FGFR2: variants seen among roughly 807,000 people sequenced by gnomAD.
FGFR2 encodes the protein fibroblast growth factor receptor 2.
FGFR2 carries 19 observed loss-of-function variants against 95.9 expected under a neutral mutation model. The ratio of observed to expected loss-of-function variants is 0.20; its 90% CI spans 0.14 to 0.29. FGFR2 has a LOEUF of 0.29. Ranked by LOEUF, FGFR2 falls within the 10% of genes least tolerant of loss-of-function variation. The pLI is 1.00. For missense variants in FGFR2, 707 were observed against 1,056.9 expected, an observed-to-expected ratio of 0.67 and a Z score of 4.59; for synonymous variants, 392 against 393.3, an observed-to-expected ratio of 1.00 and a Z score of 0.04.
chr10:121,547,023 G>A (rs969330108), intron 5 of FGFR2, among the ~76,000 whole-genome samples: 4 of 152,120 alleles, frequency 2.6e-5, no homozygotes, highest in Non-Finnish European at 5.9e-5. Flanking sequence ...TCAGGAGTTC[G>A]AGACCAGCAT....
chr10:121,554,175 G>A (rs2134896708), intron 4 of FGFR2, among the ~76,000 whole-genome samples: 1 of 152,140 alleles, frequency 6.6e-6, no homozygotes. Context: ...CAAGGTTGGG[G>A]GCCACCATAA....
Position 121,521,345 on chromosome 10 carries a change from T to C in FGFR2, c.749-1176A>G, listed in dbSNP as rs1442367363. 2.6e-5 allele frequency among the ~76,000 whole-genome samples: 4 copies of C among 152,186 alleles called. No individual in the cohort carries two copies. In the East Asian group the frequency reaches 7.7e-4, roughly 29 times the overall value. ...CGTTCTCAACAAAGAATACACCCTC[T>C]CATCTTATGCCTGGAAAGGCTTCTC... On this transcript the variant is annotated intron_variant, in intron 6 of 17. Transcript: ENST00000358487.
rs2135115095 is a variant in FGFR2, at chr10:121,565,530, T to C, written c.284A>G (p.Lys95Arg). ...GCCGGAGTCTCTAGGCGTGGCGCCC[T>C]TTATCTGCAAGTACTCCCCAATAAG... ...TVLIGEYLQI[K>R]GATPRDSGLY... The change falls in exon 3 of 18, where the codon AAG becomes AGG. Residue 95 changes from lysine to arginine, a missense_variant. Coordinates refer to ENST00000358487, the MANE Select transcript of FGFR2 (RefSeq NM_000141.5). The C allele has an allele frequency of 2.5e-6, 4 of 1,614,214 alleles. No individual in the cohort carries two copies. The highest frequency in any genetic ancestry group is 3.4e-6 in the Non-Finnish European group (4 of 1,180,050).
chr10:121,515,231 CAT>C lies in FGFR2; in HGVS notation c.1171_1172del (p.Met391GlyfsTer42). ...TTCGGCACAGGATGACTGTTACCACCATACAGGCGATTAAGAAGACCCCTATG... is the reference window on the plus strand; with the variant it reads ...TTCGGCACAGGATGACTGTTACCACCACAGGCGATTAAGAAGACCCCTATG... ...YCIGVFLIAC[M>X]VVTVILCRMK... On this transcript the variant is annotated frameshift_variant, in exon 9 of 18. Coordinates refer to ENST00000358487, the MANE Select transcript of FGFR2 (RefSeq NM_000141.5). LOFTEE classifies it high-confidence loss of function. 1 of 1,614,172 alleles carries C rather than the reference CAT, an allele frequency of 6.2e-7. No individual in the cohort carries two copies. Among genetic ancestry groups the C allele is most frequent in the Non-Finnish European group, 8.5e-7 (1 of 1,180,030 alleles).
rs1564841040 is a variant in FGFR2 at position 121,478,784 on chromosome 10, A to AT, written c.*1072dup. ...ACTGAAGAGAATACAGGCTAATCTG[A>AT]TTAATGTGCAACTCAGAAGCAGAAG... On this transcript the variant is annotated 3_prime_UTR_variant, in exon 18 of 18. Transcript: ENST00000358487. 4.3e-6 allele frequency: 1 copy of AT among 233,598 alleles called. No individual in the cohort carries two copies. Among genetic ancestry groups the AT allele is most frequent in the Non-Finnish European group, 8.5e-6 (1 of 118,022 alleles). The allele number at this position is 233,598 out of a possible 1,614,324, so 14.5% of individuals were successfully genotyped here.
At chr10:121,554,400 G>C (rs1360604755) in intron 4 of FGFR2, among the ~76,000 whole-genome samples, 1 of 150,296 alleles carries the variant, frequency 6.7e-6, no homozygotes, top group Non-Finnish European at 1.5e-5. Flanking sequence ...GTGCAGTGGC[G>C]CGATCTTGGC....
chr10:121,500,893 C>T lies in FGFR2; in HGVS notation c.1494G>A (p.Ala498=), dbSNP rs764280287. The T allele has an allele frequency of 7.4e-6, 12 of 1,614,102 alleles. No individual in the cohort carries two copies. Among genetic ancestry groups the T allele is most frequent in the Admixed American group, 5.0e-5 (3 of 60,008 alleles). ...GEGCFGQVVM[A]EAVGIDKDKP... ...TGTCTTTGTCAATTCCCACTGCTTC[C>T]GCCATGACCACTTGCCCAAAGCAAC... The change falls in exon 11 of 18, where the codon GCG becomes GCA. Residue 498 remains alanine (A), a synonymous_variant. Coordinates refer to ENST00000358487, the MANE Select transcript of FGFR2 (RefSeq NM_000141.5).
At position 121,517,431 on chromosome 10, in the gene FGFR2, A is replaced by T. The variant is rs2134259245; in HGVS notation, c.972T>A (p.Ile324=). Residue 324 remains isoleucine, a synonymous_variant, in exon 8 of 18, where the codon ATT becomes ATA. Coordinates refer to ENST00000358487, the MANE Select transcript of FGFR2 (RefSeq NM_000141.5). The surrounding 1 kb of genome is among the most constrained non-coding windows in gnomAD (Gnocchi z 4.7). The part of the protein sequence containing the change: ...AAGVNTTDKE[I]EVLYIRNVTF... ...TTACATTCCGAATATAGAGAACCTC[A>T]ATCTCTTTGTCCGTGGTGTTAACAC... 6.2e-7 allele frequency: 1 copy of T among 1,614,084 alleles called. No homozygotes were observed. The highest frequency in any genetic ancestry group is 8.5e-7 in the Non-Finnish European group (1 of 1,179,902).
intron 2 of FGFR2, among the ~76,000 whole-genome samples, chr10:121,576,136 G>A (rs1039752309): frequency 1.4e-4 from 21 of 152,096 alleles, no homozygotes; most frequent in African/African-American, 5.1e-4. Context: ...GCCGTGAGCC[G>A]AGATCACGCC....
At chr10:121,571,138 G>A (rs768462878) in intron 2 of FGFR2, among the ~76,000 whole-genome samples, 11 of 149,024 alleles carry the variant, frequency 7.4e-5, no homozygotes, top group Non-Finnish European at 1.0e-4. Flanking sequence ...ACAGGAGCCT[G>A]CCACCACACC....
intron 17 of FGFR2, among the ~76,000 whole-genome samples, chr10:121,482,983 G>T (rs972955464): frequency 6.6e-6 from 1 of 152,124 alleles, no homozygotes; most frequent in Non-Finnish European, 1.5e-5. Context: ...TTTTAGTAGA[G>T]ACAGGGTTTC....
At chr10:121,532,513 C>T (rs1428994128) in intron 6 of FGFR2, among the ~76,000 whole-genome samples, 1 of 152,148 alleles carries the variant, frequency 6.6e-6, no homozygotes, top group South Asian at 2.1e-4. Context: ...ACTAGGCCAC[C>T]GCTTCTTCAT....
At chr10:121,559,136 CAAAA>C (rs1336784818) in intron 4 of FGFR2, among the ~76,000 whole-genome samples, 4 of 135,772 alleles carry the variant, frequency 2.9e-5, no homozygotes, top group Non-Finnish European at 6.3e-5. Flanking sequence ...AAAAAAAACT[CAAAA>C]AAGCCCAAAA....
intron 4 of FGFR2, among the ~76,000 whole-genome samples, chr10:121,560,228 T>C (rs1360980097): frequency 6.6e-6 from 1 of 152,114 alleles, no homozygotes; most frequent in African/African-American, 2.4e-5. Context: ...GGGTTATTGG[T>C]GGCATGGACG....
chr10:121,534,378 T>G (rs1852523501), intron 6 of FGFR2, among the ~76,000 whole-genome samples: 1 of 150,260 alleles, frequency 6.7e-6, no homozygotes, highest in Admixed American at 6.6e-5. Context: ...ATTACAGGTG[T>G]GAGCCACCGC....
chr10:121,555,846 A>G (rs1384572329), intron 4 of FGFR2, among the ~76,000 whole-genome samples: 3 of 152,222 alleles, frequency 2.0e-5, no homozygotes, highest in Non-Finnish European at 2.9e-5. Flanking sequence ...AAGTCTTTTA[A>G]GATGCAATGA....
rs542473755 is a variant in FGFR2 at position 121,513,701 on chromosome 10, C to T, written c.1287+1416G>A. On this transcript the variant is annotated intron_variant, in intron 9 of 17. Transcript: ENST00000358487. ...ATCATGTCACTCAAAATGACAACAG[C>T]ATTCTTGGTGGCAGACGTGACCCAA... 4.6e-5 allele frequency among the ~76,000 whole-genome samples: 7 copies of T among 152,272 alleles called. No individual in the cohort carries two copies. In the South Asian group the frequency reaches 1.5e-3, roughly 32 times the overall value.
At chr10:121,562,640 G>A (rs117792615) in intron 4 of FGFR2, among the ~76,000 whole-genome samples, 1,806 of 152,134 alleles carry the variant, frequency 0.012, 56 homozygotes, top group East Asian at 0.072. Flanking sequence ...TACAAACAAT[G>A]GAATACTCAG....
At chr10:121,571,120 C>CT (rs1460866587) in intron 2 of FGFR2, among the ~76,000 whole-genome samples, 3 of 146,728 alleles carry the variant, frequency 2.0e-5, no homozygotes, top group Non-Finnish European at 4.5e-5. Context: ...TCCTGAGTAG[C>CT]TGGGACTACA....
Sources: gnomAD v4.1 joint callset for allele counts (sites outside exome capture counted in the v4.1 genomes callset) on GRCh38, gnomAD v4.1.1 for gene constraint, Gnocchi (gnomAD v3.1) non-coding constraint, MANE v1.5 for transcripts, NCBI Gene and HGNC (gene_info 2026-07-23, HGNC 2026-07-21) for gene names.